SV2C: variants seen among roughly 807,000 people sequenced by gnomAD.
SV2C encodes the protein synaptic vesicle glycoprotein 2C.
In SV2C, 49 loss-of-function variants were observed where a neutral mutation model predicts 79.7. The ratio of observed to expected loss-of-function variants is 0.61; its 90% CI spans 0.49 to 0.78. The LOEUF is 0.78. Ranked by LOEUF, SV2C falls within the 30% of genes least tolerant of loss-of-function variation. SV2C has a pLI of 0.00. For missense variants in SV2C, 833 were observed against 912.9 expected (o/e 0.91, Z 1.13); for synonymous variants, 334 against 333.2 (o/e 1.00, Z -0.03).
At chr5:75,998,428 CATT>C in the SV2C span, among the ~76,000 whole-genome samples, 4 of 152,088 alleles carry the variant, frequency 2.6e-5, no homozygotes, top group African/African-American at 9.7e-5. Flanking sequence ...GGTTACCTTT[CATT>C]ATGTGCTCCC....
the SV2C span, among the ~76,000 whole-genome samples, chr5:75,961,588 A>C: frequency 6.6e-6 from 1 of 151,838 alleles, no homozygotes; most frequent in Middle Eastern, 3.4e-3. Flanking sequence ...TCAGAATTTT[A>C]AATACAATTA....
At chr5:75,877,951 AAAAC>A in the SV2C span, among the ~76,000 whole-genome samples, 5,158 of 127,120 alleles carry the variant, frequency 0.041, 198 homozygotes, top group African/African-American at 0.12. Context: ...AAAAAAAAAA[AAAAC>A]AAGTTTCTCT....
At chr5:76,291,449 C>A in intron 7 of SV2C, 118 bp downstream of exon 7, 1 of 743,174 alleles carries the variant, frequency 1.3e-6, no homozygotes. Flanking sequence ...CCCAGGACAC[C>A]TGACTCCTGG....
intron 12 of SV2C, among the ~76,000 whole-genome samples, chr5:76,344,236 T>C (rs1749495607): frequency 6.6e-6 from 1 of 152,174 alleles, no homozygotes; most frequent in Non-Finnish European, 1.5e-5. Flanking sequence ...AGTGCCAAGA[T>C]CACTAAAGAA....
intron 4 of SV2C, among the ~76,000 whole-genome samples, chr5:76,226,061 C>T (rs1169750596): frequency 1.3e-5 from 2 of 152,282 alleles, no homozygotes; most frequent in Non-Finnish European, 2.9e-5. Flanking sequence ...CGAACCGCTT[C>T]CTCAAATACT....
chr5:76,351,654 C>T (rs1185587777), intron 12 of SV2C, among the ~76,000 whole-genome samples: 4 of 152,130 alleles, frequency 2.6e-5, no homozygotes, highest in Non-Finnish European at 4.4e-5. Flanking sequence ...TGTCAGTTTA[C>T]AGAGCTAGCT....
the SV2C span, among the ~76,000 whole-genome samples, chr5:76,046,775 G>T: frequency 1.3e-5 from 2 of 152,196 alleles, no homozygotes; most frequent in African/African-American, 2.4e-5. Context: ...CCTCCTGAGG[G>T]GATGCTCTCA....
intron 2 of SV2C, among the ~76,000 whole-genome samples, chr5:76,182,720 T>A (rs1364223816): frequency 6.6e-6 from 1 of 152,130 alleles, no homozygotes; most frequent in East Asian, 1.9e-4. Flanking sequence ...TCTCCCTCCC[T>A]GTGTTTGGCT....
chr5:76,338,857 A>G (rs570223243), downstream of SV2C, among the ~76,000 whole-genome samples: 83 of 152,052 alleles, frequency 5.5e-4, no homozygotes, highest in Middle Eastern at 3.4e-3. Context: ...GGGTTTCACC[A>G]TGTTGGTCAG....
At chr5:76,290,465 G>A (rs1173424975) in intron 6 of SV2C, among the ~76,000 whole-genome samples, 7 of 152,168 alleles carry the variant, frequency 4.6e-5, no homozygotes, top group Non-Finnish European at 7.3e-5. Context: ...AGGAGAAGGC[G>A]GGTCAGGCCC....
chr5:75,857,011 C>T, the SV2C span, among the ~76,000 whole-genome samples: 4 of 142,350 alleles, frequency 2.8e-5, no homozygotes, highest in African/African-American at 8.1e-5. Flanking sequence ...GGCTGAAGTG[C>T]AGTGGTGCAA....
At chr5:76,030,289 TTTTA>T in the SV2C span, among the ~76,000 whole-genome samples, 3 of 117,874 alleles carry the variant, frequency 2.5e-5, 1 homozygote, top group African/African-American at 7.8e-5. Flanking sequence ...TTTTTTTTTT[TTTTA>T]TTTATTCCTG....
intron 4 of SV2C, among the ~76,000 whole-genome samples, chr5:76,248,019 A>C (rs1421778310): frequency 1.3e-5 from 2 of 152,188 alleles, no homozygotes; most frequent in Non-Finnish European, 2.9e-5. Flanking sequence ...CAAAACCTGG[A>C]GAGTTTTTGG....
chr5:76,271,613 G>GTCCTTTTT (rs1746860872), intron 4 of SV2C, among the ~76,000 whole-genome samples: 2 of 113,542 alleles, frequency 1.8e-5, no homozygotes, highest in African/African-American at 6.6e-5. Flanking sequence ...CTAAGCATGT[G>GTCCTTTTT]TTCTTTTTTT....
chr5:76,342,413 T>A (rs1030258577), intron 12 of SV2C, among the ~76,000 whole-genome samples: 13 of 152,170 alleles, frequency 8.5e-5, no homozygotes, highest in East Asian at 3.9e-4. Flanking sequence ...GAGCAACTGT[T>A]CACAGCAGGC....
chr5:76,243,382 C>T (rs1745854812), intron 4 of SV2C, among the ~76,000 whole-genome samples: 1 of 152,184 alleles, frequency 6.6e-6, no homozygotes, highest in South Asian at 2.1e-4. Flanking sequence ...TCAAAGACTT[C>T]CTCTGAGGGT....
chr5:75,968,733 C>G, the SV2C span, among the ~76,000 whole-genome samples: 1 of 152,154 alleles, frequency 6.6e-6, no homozygotes. Context: ...AGAATGGAAC[C>G]AAGTTGGAAA....
At chr5:76,221,298 T>G (rs1363163247) in intron 4 of SV2C, among the ~76,000 whole-genome samples, 1 of 152,174 alleles carries the variant, frequency 6.6e-6, no homozygotes, top group Non-Finnish European at 1.5e-5. Context: ...TTACATGGCC[T>G]TTCAGCAAAC....
chr5:76,277,268 T>G (rs1315461509), intron 4 of SV2C, among the ~76,000 whole-genome samples: 1 of 152,202 alleles, frequency 6.6e-6, no homozygotes, highest in Non-Finnish European at 1.5e-5. Context: ...CAAGGAAATT[T>G]TGGGGGCACA....
Sources: gnomAD v4.1 joint callset for allele counts (sites outside exome capture counted in the v4.1 genomes callset) on GRCh38, gnomAD v4.1.1 for gene constraint, MANE v1.5 for transcripts, NCBI Gene and HGNC (gene_info 2026-07-23, HGNC 2026-07-21) for gene names.